The following AFF3 variants were observed in gnomAD, a reference collection of about 807,000 sequenced individuals.
The protein encoded by AFF3 is ALF transcription elongation factor 3.
AFF3 carries 32 observed loss-of-function variants against 129.7 expected under a neutral mutation model. The observed-to-expected ratio is 0.25, with a 90% CI of 0.19 to 0.33. The LOEUF (loss-of-function observed/expected upper bound fraction) is 0.33. Among genes scored for constraint, AFF3 ranks in the 10% least tolerant of loss-of-function variants. The pLI is 1.00. For synonymous variants in AFF3, 644 were observed against 635.4 expected, an observed-to-expected ratio of 1.01 and a Z score of -0.20; for missense variants, 1,373 against 1,592.0, an observed-to-expected ratio of 0.86 and a Z score of 2.34.
chr2:99,585,090 A>AG (rs1332622556), intron 16 of AFF3, among the ~76,000 whole-genome samples: 2 of 152,232 alleles, frequency 1.3e-5, no homozygotes, highest in Non-Finnish European at 2.9e-5. Context: ...TTGCTCATCT[A>AG]GTGATGGCTA....
intron 15 of AFF3, among the ~76,000 whole-genome samples, chr2:99,591,894 A>G (rs1367660186): frequency 1.3e-5 from 2 of 152,212 alleles, no homozygotes; most frequent in Non-Finnish European, 1.5e-5. Flanking sequence ...GGGTATGACA[A>G]TATTTGCCTC....
chr2:100,030,206 A>G (rs777575017), intron 4 of AFF3, among the ~76,000 whole-genome samples: 2 of 152,178 alleles, frequency 1.3e-5, no homozygotes, highest in Non-Finnish European at 1.5e-5. Context: ...CATTTCATTA[A>G]TATTTCAGAT....
chr2:99,803,828 G>A (rs1423208785), intron 8 of AFF3, among the ~76,000 whole-genome samples: 3 of 152,070 alleles, frequency 2.0e-5, no homozygotes, highest in Non-Finnish European at 4.4e-5. Context: ...ACATAAATTG[G>A]AAAAAGGACA....
At chr2:99,575,295 T>C (rs1676874479) in intron 18 of AFF3, among the ~76,000 whole-genome samples, 1 of 152,160 alleles carries the variant, frequency 6.6e-6, no homozygotes, top group Non-Finnish European at 1.5e-5. Flanking sequence ...GTTTCACTCT[T>C]GTTGCCCAGA....
At chr2:99,770,185 C>T (rs1429685167) in intron 8 of AFF3, among the ~76,000 whole-genome samples, 2 of 152,178 alleles carry the variant, frequency 1.3e-5, no homozygotes, top group African/African-American at 4.8e-5. Flanking sequence ...TGAGCTGGCA[C>T]TCCAACTGTA....
At chr2:100,001,696 G>C (rs919074999) in intron 7 of AFF3, among the ~76,000 whole-genome samples, 1 of 138,308 alleles carries the variant, frequency 7.2e-6, no homozygotes, top group Admixed American at 6.7e-5. Context: ...AAAGTGCAGG[G>C]ATTACAGGCG....
chr2:100,011,283 A>G (rs1191211110), intron 4 of AFF3, among the ~76,000 whole-genome samples: 1 of 152,132 alleles, frequency 6.6e-6, no homozygotes, highest in Non-Finnish European at 1.5e-5. Context: ...CAAAAGAAAA[A>G]AAAGCTTGCA....
intron 4 of AFF3, among the ~76,000 whole-genome samples, chr2:100,062,210 G>A (rs1253495754): frequency 6.6e-6 from 1 of 152,176 alleles, no homozygotes; most frequent in Non-Finnish European, 1.5e-5. Context: ...TGGGAGCAAG[G>A]GAAGGCAAGG....
At chr2:100,125,630 T>TA (rs138774449) in intron 2 of AFF3, among the ~76,000 whole-genome samples, 7,179 of 150,256 alleles carry the variant, frequency 0.048, 446 homozygotes, top group African/African-American at 0.15. Flanking sequence ...TTATTTTGGT[T>TA]AAAAAAAAAA....
chr2:100,031,981 T>C (rs567326843), intron 4 of AFF3, among the ~76,000 whole-genome samples: 5 of 152,160 alleles, frequency 3.3e-5, no homozygotes, highest in African/African-American at 9.6e-5. Context: ...GTGTTACATA[T>C]TGAAAGTATG....
chr2:99,854,247 CAAAAA>C (rs59998550), intron 7 of AFF3, among the ~76,000 whole-genome samples: 1 of 97,876 alleles, frequency 1.0e-5, no homozygotes, highest in Admixed American at 1.2e-4. Context: ...CTATCTATAG[CAAAAA>C]AAAAAAAAAA....
chr2:99,951,261 C>T (rs1366602945), intron 7 of AFF3, among the ~76,000 whole-genome samples: 8 of 152,230 alleles, frequency 5.3e-5, no homozygotes, highest in African/African-American at 1.7e-4. Flanking sequence ...AAATAACTTA[C>T]GGTTTCTGCA....
At chr2:99,576,138 A>G (rs1676967032) in intron 18 of AFF3, among the ~76,000 whole-genome samples, 1 of 151,812 alleles carries the variant, frequency 6.6e-6, no homozygotes, top group Admixed American at 6.6e-5. Flanking sequence ...GGTTCAAGCA[A>G]TTCTCTGCCT....
At chr2:100,020,814 T>A (rs1226643775) in intron 4 of AFF3, among the ~76,000 whole-genome samples, 1 of 152,184 alleles carries the variant, frequency 6.6e-6, no homozygotes, top group African/African-American at 2.4e-5. Flanking sequence ...TCCTAAAATG[T>A]ATCTCCCGGC....
intron 8 of AFF3, among the ~76,000 whole-genome samples, chr2:99,753,003 G>A (rs1485023321): frequency 6.6e-6 from 1 of 152,168 alleles, no homozygotes; most frequent in East Asian, 1.9e-4. Context: ...ATCTCTGGAA[G>A]GGAGTTCCAA....
At chr2:100,106,429 G>T in intron 2 of AFF3, 1 of 1,017,648 alleles carries the variant, frequency 9.8e-7, no homozygotes, top group Non-Finnish European at 1.2e-6. Flanking sequence ...CAGTGTATTT[G>T]GAAAAAGAAA....
intron 7 of AFF3, among the ~76,000 whole-genome samples, chr2:99,855,141 A>C (rs1690431689): frequency 3.3e-5 from 5 of 152,236 alleles, no homozygotes; most frequent in Admixed American, 2.6e-4. Context: ...AAAATCGTTA[A>C]AATTAAATAC....
At chr2:99,670,739 A>C (rs1687078884) in intron 12 of AFF3, among the ~76,000 whole-genome samples, 1 of 152,248 alleles carries the variant, frequency 6.6e-6, no homozygotes, top group Non-Finnish European at 1.5e-5. Context: ...AACTTAAACT[A>C]TCATACGCAA....
At chr2:99,805,074 G>A (rs942237059) in intron 8 of AFF3, among the ~76,000 whole-genome samples, 1 of 152,068 alleles carries the variant, frequency 6.6e-6, no homozygotes, top group African/African-American at 2.4e-5. Flanking sequence ...TACCCTAAAA[G>A]CTATTAAAAT....
Sources: gnomAD v4.1 joint callset for allele counts (sites outside exome capture counted in the v4.1 genomes callset) on GRCh38, gnomAD v4.1.1 for gene constraint, MANE v1.5 for transcripts, NCBI Gene and HGNC (gene_info 2026-07-23, HGNC 2026-07-21) for gene names.